SHANK2: variants seen among roughly 807,000 people sequenced by gnomAD.
SHANK2 encodes the protein SH3 and multiple ankyrin repeat domains 2, also known as SH3 and multiple ankyrin repeat domains protein 2.
SHANK2 carries 43 observed loss-of-function variants against 133.7 expected under a neutral mutation model. The observed-to-expected ratio is 0.32, with a 90% CI of 0.25 to 0.41. SHANK2 has a LOEUF of 0.41. Ranked by LOEUF, SHANK2 falls within the 10% of genes least tolerant of loss-of-function variation. The pLI is 1.00. For synonymous variants in SHANK2, 1,017 were observed against 952.8 expected, an observed-to-expected ratio of 1.07 and a Z score of -1.24; for missense variants, 1,994 against 2,235.8, an observed-to-expected ratio of 0.89 and a Z score of 2.18.
At chr11:70,805,950 G>T (rs1014463924) in intron 13 of SHANK2, among the ~76,000 whole-genome samples, 2 of 152,252 alleles carry the variant, frequency 1.3e-5, no homozygotes, top group African/African-American at 2.4e-5. Flanking sequence ...GATGAAATAT[G>T]TGTGCAGCAG....
intron 2 of SHANK2, among the ~76,000 whole-genome samples, chr11:71,186,784 C>A (rs527280422): frequency 2.6e-5 from 4 of 152,212 alleles, no homozygotes; most frequent in African/African-American, 4.8e-5. Flanking sequence ...TAGGAGACAT[C>A]TAACTAGAAA....
intron 11 of SHANK2, among the ~76,000 whole-genome samples, chr11:70,892,483 A>G (rs1949862329): frequency 6.6e-6 from 1 of 152,048 alleles, no homozygotes; most frequent in Non-Finnish European, 1.5e-5. Flanking sequence ...CCCAGTCCAC[A>G]CTGATGCCTG....
chr11:71,175,545 GGAGAGGGAGAGAGAGAGAGAGAGAGAGA>G lies in SHANK2; in HGVS notation c.-12-28235_-12-28208del, dbSNP rs1336554614. Among the ~76,000 whole-genome samples the G allele has an allele frequency of 3.7e-4, 29 of 79,360 alleles. No individual in the cohort carries two copies. The highest frequency in any genetic ancestry group is 1.6e-3 in the South Asian group (3 of 1,878). The allele number at this position is 79,360 out of a possible 152,430, so 52.1% of individuals were successfully genotyped here. A position where few individuals can be genotyped will look rare whatever the true frequency, so the allele number is the denominator to read the frequency against. On this transcript the variant is annotated intron_variant, in intron 2 of 25. Coordinates refer to ENST00000601538, the MANE Select transcript of SHANK2 (RefSeq NM_012309.5). This position sits in a 1 kb window ranked among gnomAD's most constrained non-coding sequence, Gnocchi z 4.2. The stretch of plus-strand genomic sequence containing the variant: ...GACAGACAGACAGACAGAGGGAGAG[GGAGAGGGAGAGAGAGAGAGAGAGAGAGA>G]GAGAGAGAGAGAGAGAGAGAGAGAG...
chr11:70,733,592 A>C (rs1318272392), intron 14 of SHANK2, among the ~76,000 whole-genome samples: 1 of 152,222 alleles, frequency 6.6e-6, no homozygotes, highest in Non-Finnish European at 1.5e-5. Flanking sequence ...GCCTGCTACA[A>C]AGGCAGAGCT....
chr11:70,840,868 C>A (rs1590746154), intron 11 of SHANK2, among the ~76,000 whole-genome samples: 1 of 152,188 alleles, frequency 6.6e-6, no homozygotes, highest in Non-Finnish European at 1.5e-5. Flanking sequence ...GATGAGGCCA[C>A]CCCCAGCCAT....
At chr11:71,238,053 C>A (rs1555123953) in intron 1 of SHANK2, among the ~76,000 whole-genome samples, 1 of 152,208 alleles carries the variant, frequency 6.6e-6, no homozygotes, top group Non-Finnish European at 1.5e-5. Flanking sequence ...GAGGGTGGGA[C>A]TCAGGGGGCC....
At chr11:71,186,751 T>A (rs1555114519) in intron 2 of SHANK2, among the ~76,000 whole-genome samples, 1 of 152,232 alleles carries the variant, frequency 6.6e-6, no homozygotes, top group East Asian at 1.9e-4. Flanking sequence ...ATTATTTCTG[T>A]GAATGCTGCA....
At chr11:70,628,314 G>C (rs1169077808) in intron 17 of SHANK2, among the ~76,000 whole-genome samples, 7 of 152,218 alleles carry the variant, frequency 4.6e-5, no homozygotes, top group African/African-American at 1.7e-4. Context: ...GAGGGTCCGG[G>C]AGCAGAACGT....
chr11:70,728,159 G>A (rs1189500299), intron 14 of SHANK2, among the ~76,000 whole-genome samples: 1 of 152,176 alleles, frequency 6.6e-6, no homozygotes, highest in Non-Finnish European at 1.5e-5. Context: ...ACCGAGCCAT[G>A]GGGTTAAACC....
rs150468845 is a variant in SHANK2 at position 71,240,016 on chromosome 11, T to G, written c.-113+12409A>C. 2.4e-3 allele frequency among the ~76,000 whole-genome samples: 363 copies of G among 152,280 alleles called. 5 individuals are homozygous for G. Among genetic ancestry groups the G allele is most frequent in the African/African-American group, 8.6e-3 (358 of 41,552 alleles). Reference sequence around the variant, plus strand: ...CCGTCTGAATATCCAAGGGTCTCCATGAATGTTCAATAGTAATATGATACT... The same window carrying G: ...CCGTCTGAATATCCAAGGGTCTCCAGGAATGTTCAATAGTAATATGATACT... On this transcript the variant is annotated intron_variant, in intron 1 of 25. Transcript: ENST00000601538.
At chr11:71,153,999 G>A (rs1555108590) in intron 2 of SHANK2, among the ~76,000 whole-genome samples, 1 of 145,022 alleles carries the variant, frequency 6.9e-6, no homozygotes, top group African/African-American at 2.7e-5. Context: ...CAAAAAAAGT[G>A]CAAGAGTTTC....
intron 17 of SHANK2, among the ~76,000 whole-genome samples, chr11:70,610,993 C>A (rs1408072948): frequency 6.6e-6 from 1 of 152,216 alleles, no homozygotes; most frequent in African/African-American, 2.4e-5. Context: ...TAAAAACCAG[C>A]AAATGATGCA....
At chr11:70,558,755 G>A (rs562710560) in intron 17 of SHANK2, among the ~76,000 whole-genome samples, 16 of 152,128 alleles carry the variant, frequency 1.1e-4, no homozygotes, top group Admixed American at 7.2e-4. Flanking sequence ...AGCGGGAGGC[G>A]ACCAGAAAGA....
At chr11:70,711,417 G>T (rs1177673671) in intron 14 of SHANK2, among the ~76,000 whole-genome samples, 1 of 152,272 alleles carries the variant, frequency 6.6e-6, no homozygotes, top group African/African-American at 2.4e-5. Context: ...CCAAAAGCGG[G>T]ATCAGAACCA....
intron 17 of SHANK2, among the ~76,000 whole-genome samples, chr11:70,643,016 C>T (rs2061206287): frequency 6.6e-6 from 1 of 152,180 alleles, no homozygotes; most frequent in Non-Finnish European, 1.5e-5. Context: ...GATCCTTAGA[C>T]ATCGTGTGCA....
intron 1 of SHANK2, among the ~76,000 whole-genome samples, chr11:71,232,080 T>C (rs1189349366): frequency 2.0e-5 from 3 of 152,070 alleles, no homozygotes; most frequent in African/African-American, 7.2e-5. Flanking sequence ...CCTGGGTGAC[T>C]CTCTAGAAAG....
intron 17 of SHANK2, among the ~76,000 whole-genome samples, chr11:70,629,514 G>A (rs889929484): frequency 1.3e-5 from 2 of 152,184 alleles, no homozygotes; most frequent in African/African-American, 4.8e-5. Flanking sequence ...ACAGGCTGCG[G>A]GCCACCGTGA....
At chr11:70,942,972 T>C in intron 10 of SHANK2, 5 of 448,776 alleles carry the variant, frequency 1.1e-5, no homozygotes, top group Non-Finnish European at 2.2e-5. Flanking sequence ...CTTTAAAGTT[T>C]AGCTTGGGAG....
chr11:70,645,243 C>A (rs543420177), intron 17 of SHANK2, among the ~76,000 whole-genome samples: 9 of 152,178 alleles, frequency 5.9e-5, no homozygotes, highest in African/African-American at 1.9e-4. Context: ...AAAAACACAT[C>A]AAGAATGCTT....
Sources: gnomAD v4.1 joint callset for allele counts (sites outside exome capture counted in the v4.1 genomes callset) on GRCh38, gnomAD v4.1.1 for gene constraint, Gnocchi (gnomAD v3.1) non-coding constraint, MANE v1.5 for transcripts, NCBI Gene and HGNC (gene_info 2026-07-23, HGNC 2026-07-21) for gene names.